Variants in DPF3 observed in about 807,000 individuals in gnomAD.
DPF3 encodes the protein zinc finger protein DPF3.
In DPF3, 18 loss-of-function variants were observed where a neutral mutation model predicts 56.8. The observed-to-expected ratio is 0.32, with a 90% CI of 0.22 to 0.47. The LOEUF is 0.47. Among genes scored for constraint, DPF3 ranks in the 20% least tolerant of loss-of-function variants. The pLI, the probability that DPF3 is intolerant of heterozygous loss-of-function variation, is 1.00. For missense variants in DPF3, 403 were observed against 488.8 expected (o/e 0.82, Z 1.65); for synonymous variants, 188 against 180.2 (o/e 1.04, Z -0.35).
At chr14:72,715,382 C>T (rs1469188288) in intron 5 of DPF3, among the ~76,000 whole-genome samples, 1 of 152,188 alleles carries the variant, frequency 6.6e-6, no homozygotes, top group Non-Finnish European at 1.5e-5. Context: ...AAGTCCCACA[C>T]TGGTCACGTG....
chr14:72,785,316 T>C (rs1276835739), intron 1 of DPF3, among the ~76,000 whole-genome samples: 2 of 152,166 alleles, frequency 1.3e-5, no homozygotes, highest in African/African-American at 2.4e-5. Flanking sequence ...AATTGTATTA[T>C]TCCCATACAA....
chr14:72,723,542 G>T, intron 5 of DPF3, 91 bp downstream of exon 5: 1 of 1,100,490 alleles, frequency 9.1e-7, no homozygotes, highest in Non-Finnish European at 1.3e-6. Flanking sequence ...CCATGGCCAT[G>T]ATTTCCATCT....
chr14:72,704,741 C>T (rs1888333033), intron 6 of DPF3, among the ~76,000 whole-genome samples: 1 of 152,158 alleles, frequency 6.6e-6, no homozygotes, highest in African/African-American at 2.4e-5. Flanking sequence ...CTCAATGACC[C>T]AAGTGCAAGA....
At chr14:72,622,727 A>G (rs1884533622) in intron 9 of DPF3, among the ~76,000 whole-genome samples, 1 of 151,884 alleles carries the variant, frequency 6.6e-6, no homozygotes, top group Non-Finnish European at 1.5e-5. Flanking sequence ...ACCTCTCACT[A>G]CCAACTATCC....
At chr14:72,730,226 T>A (rs1268439193) in intron 4 of DPF3, among the ~76,000 whole-genome samples, 1 of 151,754 alleles carries the variant, frequency 6.6e-6, no homozygotes, top group African/African-American at 2.4e-5. Context: ...AGAACTGGGC[T>A]TATGTTGAAG....
chr14:72,766,675 C>T (rs983580419), intron 2 of DPF3, among the ~76,000 whole-genome samples: 5 of 152,210 alleles, frequency 3.3e-5, no homozygotes, highest in Admixed American at 6.5e-5. Context: ...TAGTTTCGAA[C>T]TCCTGGGCTC....
chr14:72,892,226 T>C, intron 1 of DPF3: 1 of 1,535,412 alleles, frequency 6.5e-7, no homozygotes, highest in Non-Finnish European at 8.7e-7. Context: ...CGGCTGGAAA[T>C]GGGGAAACTG....
intron 7 of DPF3, among the ~76,000 whole-genome samples, chr14:72,689,979 G>T (rs12436770): frequency 1.3e-5 from 2 of 152,052 alleles, no homozygotes; most frequent in African/African-American, 2.4e-5. Flanking sequence ...CCCCGGATCC[G>T]CCTGGGAATA....
intron 1 of DPF3, among the ~76,000 whole-genome samples, chr14:72,828,250 A>G (rs1057329762): frequency 1.3e-5 from 2 of 152,206 alleles, no homozygotes; most frequent in African/African-American, 4.8e-5. Context: ...GGGTCATGCA[A>G]CATAGCAGAA....
At chr14:72,647,943 C>T (rs1252866870) in intron 8 of DPF3, among the ~76,000 whole-genome samples, 1 of 152,182 alleles carries the variant, frequency 6.6e-6, no homozygotes, top group East Asian at 1.9e-4. Flanking sequence ...TATCTCCTCT[C>T]ACGTCGTCAC....
chr14:72,686,328 T>C (rs1351760165), intron 7 of DPF3, among the ~76,000 whole-genome samples: 1 of 152,234 alleles, frequency 6.6e-6, no homozygotes, highest in Non-Finnish European at 1.5e-5. Flanking sequence ...GATGGGACAT[T>C]AGTGCTCACA....
rs141573015 is a variant in DPF3, at chr14:72,616,014, CATT to C, written c.*3280_*3282del. On this transcript the variant is annotated 3_prime_UTR_variant, in exon 11 of 11. Transcript: ENST00000556509. ...CATTTGAGCCGGAAGACAACCACAT[CATT>C]ATCTCCATTTGGTGGCCTCTGCAGA... Among the ~76,000 whole-genome samples the C allele has an allele frequency of 1.6e-3, 239 of 152,340 alleles. 4 individuals carry two copies. The East Asian group carries it at 0.029, about 19-fold the overall frequency.
chr14:72,687,906 G>T (rs1887480892), intron 7 of DPF3, among the ~76,000 whole-genome samples: 1 of 151,834 alleles, frequency 6.6e-6, no homozygotes, highest in East Asian at 1.9e-4. Context: ...AAGGTCCCAA[G>T]GGATGCTAAT....
At chr14:72,863,602 G>A (rs892648850) in intron 1 of DPF3, among the ~76,000 whole-genome samples, 2 of 150,620 alleles carry the variant, frequency 1.3e-5, no homozygotes, top group Non-Finnish European at 2.9e-5. Context: ...AAGGGCACGT[G>A]TGTCTGCCCA....
In DPF3 at chr14:72,843,949, C is replaced by T. The variant is rs188060580; in HGVS notation, c.32+50108G>A. On this transcript the variant is annotated intron_variant, in intron 1 of 10. Transcript: ENST00000556509. Reference sequence around the variant, plus strand: ...TCTATGAGGTTGGGATTGATATAATCCCCACTTTACACCCAGAGAGGGTAA... The same window carrying T: ...TCTATGAGGTTGGGATTGATATAATTCCCACTTTACACCCAGAGAGGGTAA... Among the ~76,000 whole-genome samples, 394 of 152,304 alleles carry T rather than the reference C, an allele frequency of 2.6e-3. 4 individuals carry two copies. The highest frequency in any genetic ancestry group is 9.0e-3 in the African/African-American group (373 of 41,572).
At chr14:72,812,242 C>A (rs10139810) in intron 1 of DPF3, among the ~76,000 whole-genome samples, 147,978 of 151,880 alleles carry the variant, frequency 0.97, 72,127 homozygotes, top group East Asian at 1. Flanking sequence ...TCCCCACCCC[C>A]GGCCCCCAGC....
rs1883952634 is a variant in DPF3 at position 72,614,479 on chromosome 14, C to T, written c.*4818G>A. Among the ~76,000 whole-genome samples, 1 of 152,134 alleles carries T rather than the reference C, an allele frequency of 6.6e-6. No homozygotes were observed. The highest frequency in any genetic ancestry group is 6.5e-5 in the Admixed American group (1 of 15,286). ...GCCAGTCCCCCTCTTCCCTTCCCAGCTACTGGTGTCCTGGGCTTGGGGGAC... is the reference window on the plus strand; with the variant it reads ...GCCAGTCCCCCTCTTCCCTTCCCAGTTACTGGTGTCCTGGGCTTGGGGGAC... On this transcript the variant is annotated 3_prime_UTR_variant, in exon 11 of 11. Coordinates refer to ENST00000556509, the MANE Select transcript of DPF3 (RefSeq NM_001280542.3).
In DPF3 at chr14:72,617,583, C is replaced by T. The variant is rs989989197; in HGVS notation, c.*1714G>A. ...TGATTCCCTCTGAGGCCACAGGCCC[C>T]TGCAGGAGAGTGACCCCCATCGCTT... On this transcript the variant is annotated 3_prime_UTR_variant, in exon 11 of 11. Coordinates refer to ENST00000556509, the MANE Select transcript of DPF3 (RefSeq NM_001280542.3). Among the ~76,000 whole-genome samples, 2 of 152,238 alleles carry T rather than the reference C, an allele frequency of 1.3e-5. No homozygotes were observed. The highest frequency in any genetic ancestry group is 2.9e-5 in the Non-Finnish European group (2 of 68,044).
chr14:72,845,728 A>C (rs1387562015), intron 1 of DPF3, among the ~76,000 whole-genome samples: 2 of 152,162 alleles, frequency 1.3e-5, no homozygotes, highest in Non-Finnish European at 2.9e-5. Context: ...ACCATCTCCA[A>C]CATCTGTTTC....
Sources: gnomAD v4.1 joint callset for allele counts (sites outside exome capture counted in the v4.1 genomes callset) on GRCh38, gnomAD v4.1.1 for gene constraint, MANE v1.5 for transcripts, NCBI Gene and HGNC (gene_info 2026-07-23, HGNC 2026-07-21) for gene names.